Variants in PRPF18 observed in about 807,000 individuals in gnomAD.
The protein encoded by PRPF18 is pre-mRNA-splicing factor 18.
In PRPF18, 38 loss-of-function variants were observed where a neutral mutation model predicts 46.5. That is an observed-to-expected ratio of 0.82 (90% CI 0.63 to 1.07). The LOEUF (loss-of-function observed/expected upper bound fraction) is 1.07. Among genes scored for constraint, PRPF18 ranks in the 50% least tolerant of loss-of-function variants. The probability of loss-of-function intolerance (pLI) is 0.00; values close to 1 mark genes in which losing one functional copy is unlikely to be tolerated. For synonymous variants in PRPF18, 152 were observed against 146.7 expected (o/e 1.04, Z -0.26); for missense variants, 263 against 410.0 (o/e 0.64, Z 3.10).
the PRPF18 span, among the ~76,000 whole-genome samples, chr10:13,636,159 C>A: frequency 1.3e-5 from 2 of 152,204 alleles, no homozygotes; most frequent in Non-Finnish European, 2.9e-5. Flanking sequence ...TGGTGGCTCA[C>A]GCCTGTAATG....
chr10:13,651,903 C>T, the PRPF18 span: 1 of 1,514,356 alleles, frequency 6.6e-7, no homozygotes, highest in South Asian at 1.1e-5. Flanking sequence ...CTTACGGTAC[C>T]TCTATTCATC....
At chr10:13,650,413 CATGAACTCGTGT>C in the PRPF18 span, among the ~76,000 whole-genome samples, 3 of 150,296 alleles carry the variant, frequency 2.0e-5, no homozygotes, top group Non-Finnish European at 2.9e-5. Context: ...TATGCATGAG[CATGAACTCGTGT>C]ATGTATTCGT....
the PRPF18 span, chr10:13,654,704 C>A: frequency 1.2e-5 from 7 of 584,426 alleles, no homozygotes; most frequent in Middle Eastern, 1.8e-3. Flanking sequence ...CTCTACATGC[C>A]CCCCCAACCT....
chr10:13,630,412 C>T lies in PRPF18; in HGVS notation c.*72C>T. 1.6e-6 allele frequency: 2 copies of T among 1,245,258 alleles called. No homozygotes were observed. The highest frequency in any genetic ancestry group is 2.4e-5 in the East Asian group (1 of 41,096). The allele number at this position is 1,245,258 out of a possible 1,614,324, so 77.1% of individuals were successfully genotyped here. ...GGCTGTGGACTTCTGGAATTACCAA[C>T]AGGAATGAGGAAAGAAGAAAACTGG... On this transcript the variant is annotated 3_prime_UTR_variant, in exon 10 of 10. Transcript: ENST00000378572.
chr10:13,611,727 T>C (rs780470420), intron 6 of PRPF18, 44 bp downstream of exon 6: 3 of 1,542,764 alleles, frequency 1.9e-6, no homozygotes, highest in South Asian at 1.1e-5. Flanking sequence ...TGGATCCTTA[T>C]GAACTATTCT....
chr10:13,601,472 C>A (rs2080108455), intron 3 of PRPF18, among the ~76,000 whole-genome samples: 2 of 152,112 alleles, frequency 1.3e-5, no homozygotes, highest in African/African-American at 4.8e-5. Flanking sequence ...TTCCCTTTTT[C>A]TTATCTTCCG....
chr10:13,605,213 G>T (rs1037031784), intron 3 of PRPF18, among the ~76,000 whole-genome samples: 1 of 152,178 alleles, frequency 6.6e-6, no homozygotes, highest in Non-Finnish European at 1.5e-5. Flanking sequence ...TGGATAATTA[G>T]CTTTTATTAA....
At chr10:13,615,496 A>T (rs911694225) in intron 8 of PRPF18, among the ~76,000 whole-genome samples, 1 of 152,220 alleles carries the variant, frequency 6.6e-6, no homozygotes, top group Admixed American at 6.5e-5. Flanking sequence ...GAGCAAGTTC[A>T]CATTTATCTT....
chr10:13,600,110 C>A, intron 2 of PRPF18, 134 bp from the exon 3 acceptor site: 1 of 657,754 alleles, frequency 1.5e-6, no homozygotes, highest in Non-Finnish European at 2.5e-6. Flanking sequence ...TTATTGTGAG[C>A]TCTTTGCTCA....
chr10:13,590,546 G>A (rs1454214248), intron 1 of PRPF18, among the ~76,000 whole-genome samples: 2 of 150,718 alleles, frequency 1.3e-5, no homozygotes, highest in Non-Finnish European at 3.0e-5. Flanking sequence ...GCGTGAACCC[G>A]GGAGGCGGGG....
At chr10:13,640,153 C>A in the PRPF18 span, 1 of 152,266 alleles carries the variant, frequency 6.6e-6, no homozygotes, top group Non-Finnish European at 1.5e-5. Context: ...GTTTCACTCC[C>A]AGCTCCTGGA....
At chr10:13,616,081 G>A (rs931686591) in intron 8 of PRPF18, among the ~76,000 whole-genome samples, 23 of 152,200 alleles carry the variant, frequency 1.5e-4, no homozygotes, top group Non-Finnish European at 1.5e-5. Context: ...GCATTGAAGT[G>A]CCTACCTGGT....
At chr10:13,634,796 A>C (rs1254982627), downstream of PRPF18, among the ~76,000 whole-genome samples, 1 of 152,194 alleles carries the variant, frequency 6.6e-6, no homozygotes, top group Non-Finnish European at 1.5e-5. Flanking sequence ...TTTCTTTTTA[A>C]AAATATGCTG....
downstream of PRPF18, among the ~76,000 whole-genome samples, chr10:13,634,643 G>A (rs920381567): frequency 2.0e-5 from 3 of 152,218 alleles, no homozygotes; most frequent in African/African-American, 7.2e-5. Context: ...TGTAAAAGCT[G>A]TAGAATTTGA....
At chr10:13,613,640 T>G in intron 6 of PRPF18, 101 bp from the exon 7 acceptor site, 2 of 1,257,410 alleles carry the variant, frequency 1.6e-6, no homozygotes, top group South Asian at 3.0e-5. Flanking sequence ...AGACATTTAC[T>G]TTAAGGATGA....
At chr10:13,637,587 A>G in the PRPF18 span, among the ~76,000 whole-genome samples, 1 of 152,126 alleles carries the variant, frequency 6.6e-6, no homozygotes, top group East Asian at 1.9e-4. Flanking sequence ...AGATATCTGT[A>G]TTGCAAATAA....
the PRPF18 span, chr10:13,652,124 T>TGC: frequency 4.4e-5 from 29 of 666,210 alleles, no homozygotes; most frequent in East Asian, 7.7e-4. Flanking sequence ...ATACAAGTCA[T>TGC]GCAGTACTTT....
chr10:13,611,613 A>G lies in PRPF18; in HGVS notation c.511-2A>G. On this transcript the variant is annotated splice_acceptor_variant, in intron 5 of 9. Coordinates refer to ENST00000378572, the MANE Select transcript of PRPF18 (RefSeq NM_003675.4). LOFTEE classifies it high-confidence loss of function. ...ACAGAAGCATTGTTTCTTTTTCTTC[A>G]GGCGCTTGGAGAGTCCTTAGGGAAA... 1 of 1,612,660 alleles carries G rather than the reference A, an allele frequency of 6.2e-7. No homozygotes were observed. Among genetic ancestry groups the G allele is most frequent in the Non-Finnish European group, 8.5e-7 (1 of 1,179,136 alleles).
Position 13,600,312 on chromosome 10 carries a change from A to G in PRPF18, c.213A>G (p.Ala71=), listed in dbSNP as rs745920114. The G allele has an allele frequency of 4.3e-6, 7 of 1,612,826 alleles. No homozygotes were observed. The highest frequency in any genetic ancestry group is 5.1e-6 in the Non-Finnish European group (6 of 1,179,392). The change falls in exon 3 of 10, where the codon GCA becomes GCG. Residue 71 remains alanine (A), a synonymous_variant. Coordinates refer to ENST00000378572, the MANE Select transcript of PRPF18 (RefSeq NM_003675.4). The part of the protein sequence containing the change: ...SSNPVLELEL[A]EEKLPMTLSR... ...ATCCAGTGTTAGAACTTGAACTGGC[A>G]GAGGAAAAATTACCTATGACGCTTT... is the stretch of plus-strand genomic sequence containing the variant.
Sources: gnomAD v4.1 joint callset for allele counts (sites outside exome capture counted in the v4.1 genomes callset) on GRCh38, gnomAD v4.1.1 for gene constraint, MANE v1.5 for transcripts, NCBI Gene and HGNC (gene_info 2026-07-23, HGNC 2026-07-21) for gene names.